DTNA: variants seen among roughly 807,000 people sequenced by gnomAD.
The protein encoded by DTNA is dystrobrevin alpha.
In DTNA, 43 loss-of-function variants were observed where a neutral mutation model predicts 100.7. That is an observed-to-expected ratio of 0.43 (90% CI 0.33 to 0.55). The LOEUF (loss-of-function observed/expected upper bound fraction) is 0.55, where lower values mean the gene tolerates loss of function less well. Among genes scored for constraint, DTNA ranks in the 20% least tolerant of loss-of-function variants. The pLI, the probability that DTNA is intolerant of heterozygous loss-of-function variation, is 0.04. For synonymous variants in DTNA, 349 were observed against 347.9 expected (o/e 1.00, Z -0.04); for missense variants, 798 against 953.9 (o/e 0.84, Z 2.15).
At chr18:34,720,654 C>G (rs1316368242) in intron 1 of DTNA, among the ~76,000 whole-genome samples, 1 of 152,122 alleles carries the variant, frequency 6.6e-6, no homozygotes. Flanking sequence ...GGGTTTTCAC[C>G]AGTAATGTCA....
intron 5 of DTNA, among the ~76,000 whole-genome samples, chr18:34,807,525 G>A (rs955094882): frequency 2.6e-5 from 4 of 152,164 alleles, no homozygotes; most frequent in African/African-American, 9.7e-5. Context: ...CAAAAGGAAA[G>A]AATAAAGGAA....
At chr18:34,733,614 A>T (rs1464442509) in intron 1 of DTNA, among the ~76,000 whole-genome samples, 1 of 152,200 alleles carries the variant, frequency 6.6e-6, no homozygotes, top group Non-Finnish European at 1.5e-5. Flanking sequence ...ACATACAGAG[A>T]AGAGCAATTA....
Position 34,838,231 on chromosome 18 carries a change from C to A in DTNA, c.1253+60C>A, listed in dbSNP as rs997192008. 12 of 1,575,820 alleles carry A rather than the reference C, an allele frequency of 7.6e-6. No individual in the cohort carries two copies. The Admixed American group carries it at 2.1e-4, about 27-fold the overall frequency. ...TTAACTAAACTAAAAATGGAGATTT[C>A]TTTTGTCAAAAATGCTTTGTGTGTG... On this transcript the variant is annotated intron_variant, in intron 12 of 22. Coordinates refer to ENST00000444659, the MANE Select transcript of DTNA (RefSeq NM_001386795.1).
chr18:34,747,106 A>C (rs940536536), intron 1 of DTNA, among the ~76,000 whole-genome samples: 1 of 7,354 alleles, frequency 1.4e-4, no homozygotes, highest in Admixed American at 4.9e-3. Context: ...ATCTGTATCT[A>C]TATATATATA....
Position 34,864,054 on chromosome 18 carries a change from C to G in DTNA, c.1735C>G (p.Leu579Val), listed in dbSNP as rs1382897243. The G allele has an allele frequency of 4.4e-6, 7 of 1,609,132 alleles. No homozygotes were observed. The highest frequency in any genetic ancestry group is 1.7e-5 in the Admixed American group (1 of 59,682). The change falls in exon 17 of 23, where the codon CTA becomes GTA. Residue 579 changes from leucine (L) to valine (V), a missense_variant. This residue lies in a region of DTNA where 26 missense variants were observed against 55.0 expected (regional missense o/e 0.47). Coordinates refer to ENST00000444659, the MANE Select transcript of DTNA (RefSeq NM_001386795.1). ...GGTCCAGTTGGAGGGTCTCATGAAG[C>G]TACTAAAGGTAAGACCTGCCAGATA... ...LMVQLEGLMK[L>V]LKTQGAGSPR...
At chr18:34,495,713 A>T (rs532381011) in intron 1 of DTNA, among the ~76,000 whole-genome samples, 1 of 152,224 alleles carries the variant, frequency 6.6e-6, no homozygotes, top group African/African-American at 2.4e-5. Context: ...TGTACTTTAT[A>T]CAGAATTGTG....
chr18:34,677,211 C>T (rs1394644275), intron 1 of DTNA, among the ~76,000 whole-genome samples: 2 of 152,124 alleles, frequency 1.3e-5, no homozygotes, highest in African/African-American at 2.4e-5. Context: ...GTAGACCACC[C>T]AAGGTGTAAA....
In DTNA at chr18:34,590,897, C is replaced by T. The variant is rs920127270; in HGVS notation, c.-2+97383C>T. 1.1e-4 allele frequency among the ~76,000 whole-genome samples: 16 copies of T among 152,270 alleles called. No individual in the cohort carries two copies. In the South Asian group the frequency reaches 3.1e-3, roughly 30 times the overall value. On this transcript the variant is annotated intron_variant, in intron 1 of 19. Coordinates refer to the DTNA transcript ENST00000283365. ...AAAAAAATGATTGTACTCACTCACACTTGCATCTGGACTAATGTTCCTATT... is the reference window on the plus strand; with the variant it reads ...AAAAAAATGATTGTACTCACTCACATTTGCATCTGGACTAATGTTCCTATT...
At chr18:34,862,707 G>A (rs536734802) in intron 16 of DTNA, among the ~76,000 whole-genome samples, 13 of 152,158 alleles carry the variant, frequency 8.5e-5, no homozygotes, top group African/African-American at 2.4e-4. Flanking sequence ...GGCTGATGGC[G>A]GAGGACTGCT....
intron 15 of DTNA, among the ~76,000 whole-genome samples, chr18:34,857,042 A>T (rs913170634): frequency 6.6e-6 from 1 of 152,216 alleles, no homozygotes; most frequent in African/African-American, 2.4e-5. Flanking sequence ...AGGGCACAGC[A>T]GGGCCCAGCA....
intron 21 of DTNA, among the ~76,000 whole-genome samples, chr18:34,883,951 A>G (rs2096898238): frequency 6.6e-6 from 1 of 152,182 alleles, no homozygotes. Flanking sequence ...CATGCTTCAG[A>G]AACAAATTCG....
chr18:34,551,691 A>T (rs1251162643), intron 1 of DTNA, among the ~76,000 whole-genome samples: 1 of 152,144 alleles, frequency 6.6e-6, no homozygotes, highest in Non-Finnish European at 1.5e-5. Flanking sequence ...TTTTAGGCTG[A>T]ACATAGCAGG....
rs576096971 is a variant in DTNA, at chr18:34,519,956, T to C, written c.-2+26442T>C. Among the ~76,000 whole-genome samples the C allele has an allele frequency of 3.3e-5, 5 of 152,322 alleles. No homozygotes were observed. The East Asian group carries it at 9.7e-4, about 29-fold the overall frequency. On this transcript the variant is annotated intron_variant, in intron 1 of 19. Coordinates refer to the DTNA transcript ENST00000283365. ...ATTCTTTCTGAAATACCATAGTACC[T>C]ATAACTCACATTGTAATGTTTACTT...
chr18:34,706,145 T>C (rs2146325596), upstream of DTNA, among the ~76,000 whole-genome samples: 1 of 152,232 alleles, frequency 6.6e-6, no homozygotes, highest in East Asian at 1.9e-4. Flanking sequence ...ACGGGGTTCT[T>C]CCATGTTGGT....
chr18:34,820,995 A>G (rs1374487508), intron 9 of DTNA, 80 bp downstream of exon 9: 7 of 1,595,100 alleles, frequency 4.4e-6, no homozygotes, highest in Admixed American at 3.3e-5. Context: ...GCAATTTCCT[A>G]TCAGTGGTCA....
chr18:34,569,728 G>A (rs550320020), intron 1 of DTNA, among the ~76,000 whole-genome samples: 1 of 152,204 alleles, frequency 6.6e-6, no homozygotes, highest in East Asian at 1.9e-4. Context: ...CACATCTGAA[G>A]GCTGTCTCCT....
At chr18:34,875,100 A>C (rs2096801850) in intron 17 of DTNA, 139 bp from the exon 18 acceptor site, 9 of 1,278,068 alleles carry the variant, frequency 7.0e-6, no homozygotes, top group East Asian at 2.5e-5. Context: ...TAGCTTTAGG[A>C]TTACCAACAC....
chr18:34,816,273 C>T (rs956908763), intron 7 of DTNA, among the ~76,000 whole-genome samples: 2 of 152,090 alleles, frequency 1.3e-5, no homozygotes, highest in Non-Finnish European at 2.9e-5. Flanking sequence ...AGACTTGGCA[C>T]GATAGAAGGC....
chr18:34,790,966 C>T (rs185007587), intron 3 of DTNA, among the ~76,000 whole-genome samples: 6 of 152,064 alleles, frequency 3.9e-5, no homozygotes, highest in African/African-American at 1.2e-4. Context: ...GAATAGGCAG[C>T]GGGAGGATGG....
Sources: allele counts gnomAD v4.1 joint callset (sites outside exome capture counted in the v4.1 genomes callset), GRCh38; gene constraint gnomAD v4.1.1; regional missense constraint gnomAD v4.1.1; transcripts MANE v1.5; gene names NCBI Gene and HGNC (gene_info 2026-07-23, HGNC 2026-07-21).